FCMR: variants seen among roughly 807,000 people sequenced by gnomAD.
The protein encoded by FCMR is Fc mu receptor, also known as immunoglobulin mu Fc receptor.
FCMR carries 34 observed loss-of-function variants against 41.6 expected under a neutral mutation model. The ratio of observed to expected loss-of-function variants is 0.82; its 90% CI spans 0.62 to 1.09. The LOEUF is 1.09. FCMR is among the 50% of genes least tolerant of loss of function. FCMR has a pLI of 0.00. For missense variants in FCMR, 496 were observed against 512.5 expected (o/e 0.97, Z 0.31); for synonymous variants, 209 against 211.8 (o/e 0.99, Z 0.12).
At position 206,915,014 on chromosome 1, in the gene FCMR, A is replaced by G. The variant is rs1275223804; in HGVS notation, c.38-920T>C. ...GTGACCTCAGTGTGGTGCTGGGAGC[A>G]TGGTGCGGTTATGTTGCAACAGGTT... is the stretch of plus-strand genomic sequence containing the variant. On this transcript the variant is annotated intron_variant, in intron 1 of 7. Coordinates refer to ENST00000367091, the MANE Select transcript of FCMR (RefSeq NM_005449.5). Among the ~76,000 whole-genome samples, 6 of 152,218 alleles carry G rather than the reference A, an allele frequency of 3.9e-5. No homozygotes were observed. The East Asian group carries it at 1.2e-3, about 29-fold the overall frequency.
chr1:206,911,845 C>A lies in FCMR; in HGVS notation c.595G>T (p.Asp199Tyr). 1 of 1,611,748 alleles carries A rather than the reference C, an allele frequency of 6.2e-7. No individual in the cohort carries two copies. The highest frequency in any genetic ancestry group is 1.7e-5 in the Admixed American group (1 of 59,484). ...RVSRASSVAGDKPRTFLPSTT... is the reference protein window; with the variant it reads ...RVSRASSVAGYKPRTFLPSTT... ...GATGGCAGGAAGGTTCGGGGCTTGT[C>A]ACCTGCTACTGAAGATGCTCTGGAC... Residue 199 changes from aspartate to tyrosine, a missense_variant, in exon 4 of 8, where the codon GAC becomes TAC. Asp to Tyr is a radical substitution (Grantham distance 160). Transcript: ENST00000367091.
chr1:206,918,861 G>GGCCCTA (rs1298279600), intron 1 of FCMR, among the ~76,000 whole-genome samples: 1 of 152,088 alleles, frequency 6.6e-6, no homozygotes, highest in Non-Finnish European at 1.5e-5. Flanking sequence ...TCATGCGCTA[G>GGCCCTA]GCCCTAGGGA....
intron 7 of FCMR, chr1:206,907,823 G>A (rs1453553147): frequency 1.6e-5 from 23 of 1,400,956 alleles, no homozygotes; most frequent in Non-Finnish European, 2.1e-5. Context: ...CCCTTCCCGA[G>A]GTCCCTACCA....
intron 7 of FCMR, chr1:206,908,006 A>C (rs1349148677): frequency 1.5e-5 from 21 of 1,444,792 alleles, no homozygotes; most frequent in African/African-American, 2.8e-5. Context: ...GTGCGTCTGA[A>C]GCTTACAAGA....
intron 1 of FCMR, among the ~76,000 whole-genome samples, chr1:206,915,221 G>A (rs1022914932): frequency 1.2e-4 from 19 of 152,342 alleles, no homozygotes; most frequent in Middle Eastern, 6.8e-3. Context: ...AGTGAGCAGT[G>A]TAATACATCC....
chr1:206,921,456 C>A, intron 1 of FCMR: 1 of 423,744 alleles, frequency 2.4e-6, no homozygotes, highest in South Asian at 1.8e-5. Context: ...TAAAAATTAG[C>A]TGGGCATGGT....
upstream of FCMR, among the ~76,000 whole-genome samples, chr1:206,922,980 G>A (rs941999263): frequency 6.6e-6 from 1 of 152,148 alleles, no homozygotes; most frequent in African/African-American, 2.4e-5. Context: ...TCACAGGCAT[G>A]GAAGTGCTTT....
At chr1:206,913,685 A>C in intron 2 of FCMR, 74 bp downstream of exon 2, 2 of 1,173,002 alleles carry the variant, frequency 1.7e-6, no homozygotes, top group Non-Finnish European at 2.5e-6. Context: ...TGTTACAGTT[A>C]GATGGCTGTT....
At position 206,903,367 on chromosome 1, in the gene FCMR, G is replaced by A; in HGVS notation, c.*1652C>T. 3.4e-6 allele frequency: 1 copy of A among 290,672 alleles called. No individual in the cohort carries two copies. Among genetic ancestry groups the A allele is most frequent in the African/African-American group, 2.2e-5 (1 of 46,358 alleles). 18.0% of individuals were successfully genotyped at this position (290,672 alleles called of 1,614,324 possible). On this transcript the variant is annotated 3_prime_UTR_variant, in exon 8 of 8. Coordinates refer to ENST00000367091, the MANE Select transcript of FCMR (RefSeq NM_005449.5). Reference sequence around the variant, plus strand: ...TGAGACTGTAAGTTACATGAAGGCAGCAGAATATTGTGCCCCATGCTTCTT... The same window carrying A: ...TGAGACTGTAAGTTACATGAAGGCAACAGAATATTGTGCCCCATGCTTCTT...
chr1:206,915,789 C>T (rs922453065), intron 1 of FCMR, among the ~76,000 whole-genome samples: 5 of 151,978 alleles, frequency 3.3e-5, no homozygotes, highest in African/African-American at 9.7e-5. Context: ...TGTCCATGGG[C>T]GGAGAGACAT....
rs1039020260 is a variant in FCMR, at chr1:206,909,770, T to G, written c.940A>C (p.Ile314Leu). The change falls in exon 6 of 8, where the codon ATC becomes CTC. Residue 314 changes from isoleucine (I) to leucine (L), a missense_variant. Physicochemically the swap from Ile to Leu is conservative, Grantham distance 5. Coordinates refer to ENST00000367091, the MANE Select transcript of FCMR (RefSeq NM_005449.5). The surrounding 1 kb of genome is among the most constrained non-coding windows in gnomAD (Gnocchi z 5.0). ...GCGCGCCGCGGGCAGGCGCTGTAGA[T>G]GTTGTTTTGGGAGCGCGGTCGCGGC... ...GSPRPRSQNN[I>L]YSACPRRARG... 6.8e-7 allele frequency: 1 copy of G among 1,464,380 alleles called. No individual in the cohort carries two copies. Among genetic ancestry groups the G allele is most frequent in the African/African-American group, 1.5e-5 (1 of 66,998 alleles). The allele number at this position is 1,464,380 out of a possible 1,614,324, so 90.7% of individuals were successfully genotyped here. A position where few individuals can be genotyped will look rare whatever the true frequency, so the allele number is the denominator to read the frequency against.
chr1:206,914,017 G>T lies in FCMR; in HGVS notation c.115C>A (p.Leu39Ile). Residue 39 changes from leucine to isoleucine, a missense_variant, in exon 2 of 8, where the codon CTT (leucine) becomes ATT (isoleucine). Coordinates refer to ENST00000367091, the MANE Select transcript of FCMR (RefSeq NM_005449.5). ...TATATCCTCACATGCATTTCAGGAA[G>T]TGGGCACTTGATGGTAACTGATCCG... ...LGGSVTIKCP[L>I]PEMHVRIYLC... 1.9e-6 allele frequency: 3 copies of T among 1,614,206 alleles called. No homozygotes were observed. Among genetic ancestry groups the T allele is most frequent in the Non-Finnish European group, 2.5e-6 (3 of 1,180,024 alleles).
In FCMR at chr1:206,904,987, G is replaced by C. The variant is rs533543759; in HGVS notation, c.*32C>G. 6.2e-7 allele frequency: 1 copy of C among 1,611,596 alleles called. No homozygotes were observed. Among genetic ancestry groups the C allele is most frequent in the Admixed American group, 1.7e-5 (1 of 60,016 alleles). ...ATGAGACTCCTTGGCACCACAGTCCGAGCCTGGGGTTGGGGGATAGCTGGG... is the reference window on the plus strand; with the variant it reads ...ATGAGACTCCTTGGCACCACAGTCCCAGCCTGGGGTTGGGGGATAGCTGGG... On this transcript the variant is annotated 3_prime_UTR_variant, in exon 8 of 8. Transcript: ENST00000367091.
rs146303481 is a variant in FCMR, at chr1:206,912,729, C to G, written c.487+200G>C. On this transcript the variant is annotated intron_variant, in intron 3 of 7. Coordinates refer to ENST00000367091, the MANE Select transcript of FCMR (RefSeq NM_005449.5). ...AGTTCTGCAGCTAGGACCAGGGGAC[C>G]TGACTGTCGGACAGGCTTGAAGGAT... is the stretch of plus-strand genomic sequence containing the variant. 5.3e-3 allele frequency among the ~76,000 whole-genome samples: 801 copies of G among 152,286 alleles called. 10 individuals are homozygous for G. The highest frequency in any genetic ancestry group is 0.018 in the African/African-American group (764 of 41,534).
At chr1:206,917,938 C>G (rs1679262224) in intron 1 of FCMR, 1 of 395,836 alleles carries the variant, frequency 2.5e-6, no homozygotes, top group South Asian at 1.8e-5. Flanking sequence ...TTAGAAATCC[C>G]TCAGTTGACC....
In FCMR at chr1:206,913,796, C is replaced by T; in HGVS notation, c.336G>A (p.Arg112=). 7.4e-6 allele frequency: 12 copies of T among 1,614,244 alleles called. No homozygotes were observed. Among genetic ancestry groups the T allele is most frequent in the Non-Finnish European group, 6.8e-6 (8 of 1,180,044 alleles). The change falls in exon 2 of 8, where the codon CGG becomes CGA. Residue 112 remains arginine, a synonymous_variant. Coordinates refer to ENST00000367091, the MANE Select transcript of FCMR (RefSeq NM_005449.5). ...YACGAGMNTD[R]GKTQKVTLNV... ...TCAGGGTGACTTTCTGGGTCTTTCC[C>T]CGGTCTGTGTTCATGCCCGCTCCGC...
At chr1:206,911,086 G>A (rs1206030344) in intron 4 of FCMR, among the ~76,000 whole-genome samples, 6 of 152,034 alleles carry the variant, frequency 3.9e-5, no homozygotes, top group Non-Finnish European at 7.3e-5. Flanking sequence ...CTACTAATAG[G>A]TAGGAAGCAA....
chr1:206,913,843 T>G lies in FCMR; in HGVS notation c.289A>C (p.Ser97Arg), dbSNP rs1679053683. Reference sequence around the variant, plus strand: ...CCGCAGGCATAGACTCCGCTGTCACTTTCTGTCAGCTGTGTTACCTCCACT... The same window carrying G: ...CCGCAGGCATAGACTCCGCTGTCACGTTCTGTCAGCTGTGTTACCTCCACT... ...FLVEVTQLTE[S>R]DSGVYACGAG... The change falls in exon 2 of 8, where the codon AGT becomes CGT. Residue 97 changes from serine to arginine, a missense_variant. Coordinates refer to ENST00000367091, the MANE Select transcript of FCMR (RefSeq NM_005449.5). 3.7e-6 allele frequency: 6 copies of G among 1,614,106 alleles called. No individual in the cohort carries two copies. The African/African-American group carries it at 8.0e-5, about 22-fold the overall frequency.
At chr1:206,910,364 G>C in intron 4 of FCMR, 24 bp from the exon 5 acceptor site, 1 of 1,503,020 alleles carries the variant, frequency 6.7e-7, no homozygotes, top group South Asian at 1.3e-5. Flanking sequence ...GAAAGGGAGA[G>C]AGGGAGGAAG....
Sources: allele counts gnomAD v4.1 joint callset (sites outside exome capture counted in the v4.1 genomes callset), GRCh38; gene constraint gnomAD v4.1.1; non-coding constraint Gnocchi (gnomAD v3.1); transcripts MANE v1.5; gene names NCBI Gene and HGNC (gene_info 2026-07-23, HGNC 2026-07-21).